The following NRDE2 variants were observed in gnomAD, a reference collection of about 807,000 sequenced individuals.
The protein encoded by NRDE2 is NRDE-2, necessary for RNA interference, domain containing, also known as nuclear exosome regulator NRDE2.
A neutral mutation model predicts 124.2 loss-of-function variants in NRDE2; 76 were observed. The ratio of observed to expected loss-of-function variants is 0.61; its 90% CI spans 0.51 to 0.74. NRDE2 has a LOEUF of 0.74. Ranked by LOEUF, NRDE2 falls within the 30% of genes least tolerant of loss-of-function variation. The pLI is 0.00. For missense variants in NRDE2, 1,314 were observed against 1,417.3 expected, an observed-to-expected ratio of 0.93 and a Z score of 1.17; for synonymous variants, 489 against 528.1, an observed-to-expected ratio of 0.93 and a Z score of 1.01.
At chr14:90,310,368 C>T (rs956529719) in intron 4 of NRDE2, among the ~76,000 whole-genome samples, 1 of 152,208 alleles carries the variant, frequency 6.6e-6, no homozygotes, top group Non-Finnish European at 1.5e-5. Context: ...CTTAACCTCT[C>T]TGCGATTCCT....
At chr14:90,312,358 C>T in intron 4 of NRDE2, 36 bp downstream of exon 4, 2 of 1,610,186 alleles carry the variant, frequency 1.2e-6, no homozygotes, top group South Asian at 1.1e-5. Context: ...AAGTCACTTT[C>T]CTACAGTGAA....
intron 10 of NRDE2, 52 bp from the exon 11 acceptor site, chr14:90,289,197 C>T: frequency 1.4e-6 from 2 of 1,439,120 alleles, no homozygotes; most frequent in Non-Finnish European, 9.5e-7. Context: ...TTAAGGCGTC[C>T]TCTGCTGCCA....
chr14:90,283,142 C>T (rs895798607), intron 12 of NRDE2, among the ~76,000 whole-genome samples: 2 of 152,136 alleles, frequency 1.3e-5, no homozygotes, highest in African/African-American at 4.8e-5. Flanking sequence ...GCATGCTGGC[C>T]CTAATGTGAT....
chr14:90,313,585 A>T (rs1415023109), intron 3 of NRDE2, among the ~76,000 whole-genome samples: 1 of 152,146 alleles, frequency 6.6e-6, no homozygotes, highest in Non-Finnish European at 1.5e-5. Flanking sequence ...CTCAGATCCA[A>T]AAGGAACCAC....
At position 90,268,939 on chromosome 14, in the gene NRDE2, T is replaced by C. The variant is rs1468459661; in HGVS notation, c.*9397A>G. The C allele has an allele frequency of 1.2e-5, 2 of 160,670 alleles. No individual in the cohort carries two copies. Among genetic ancestry groups the C allele is most frequent in the Non-Finnish European group, 2.7e-5 (2 of 73,550 alleles). The allele number at this position is 160,670 out of a possible 1,614,324, so 10.0% of individuals were successfully genotyped here. A position where few individuals can be genotyped will look rare whatever the true frequency, so the allele number is the denominator to read the frequency against. ...GAAGCCCAAGATCAAGGCACTGGCA[T>C]TGATGTCTAGTGAGGGCTGCTCTCT... On this transcript the variant is annotated 3_prime_UTR_variant, in exon 14 of 14. Transcript: ENST00000354366.
chr14:90,326,098 C>T (rs984306472), intron 1 of NRDE2, among the ~76,000 whole-genome samples: 38 of 152,282 alleles, frequency 2.5e-4, no homozygotes, highest in African/African-American at 8.4e-4. Context: ...GACAGCCACA[C>T]GATGGAGTTC....
At position 90,298,580 on chromosome 14, in the gene NRDE2, G is replaced by C. The variant is rs755214341; in HGVS notation, c.1546-200C>G. Among the ~76,000 whole-genome samples, 4 of 152,146 alleles carry C rather than the reference G, an allele frequency of 2.6e-5. No individual in the cohort carries two copies. In the South Asian group the frequency reaches 6.2e-4, roughly 24 times the overall value. On this transcript the variant is annotated intron_variant, in intron 7 of 13. Coordinates refer to ENST00000354366, the MANE Select transcript of NRDE2 (RefSeq NM_017970.4). ...AGCGTGGCAGGCAGCTTCCAAGATA[G>C]CCCCCATGACCCTACCTCTGCCTTG...
At chr14:90,311,260 T>C (rs1884827166) in intron 4 of NRDE2, among the ~76,000 whole-genome samples, 1 of 152,244 alleles carries the variant, frequency 6.6e-6, no homozygotes, top group Non-Finnish European at 1.5e-5. Flanking sequence ...CTGTGTGTTA[T>C]TGTTCTTTAT....
chr14:90,285,760 G>A (rs1295344841), intron 12 of NRDE2, among the ~76,000 whole-genome samples: 1 of 152,146 alleles, frequency 6.6e-6, no homozygotes, highest in East Asian at 1.9e-4. Flanking sequence ...AACCTCTGAT[G>A]TAGATGGGAC....
chr14:90,328,476 C>T (rs1885539471), intron 1 of NRDE2, among the ~76,000 whole-genome samples: 1 of 152,022 alleles, frequency 6.6e-6, no homozygotes, highest in Admixed American at 6.6e-5. Context: ...TAATAATGAA[C>T]CTAAACAATA....
In NRDE2 at chr14:90,278,413, T is replaced by C; in HGVS notation, c.3418A>G (p.Ile1140Val). ...TCCTTCTCAGTCATCAGGTCCAGGA[T>C]CTCCTGCATCTCATCGGGGAAATAC... is the stretch of plus-strand genomic sequence containing the variant. ...VEYFPDEMQE[I>V]LDLMTEKELR... Residue 1140 changes from isoleucine (I) to valine (V), a missense_variant, in exon 14 of 14, where the codon ATC becomes GTC. Transcript: ENST00000354366. The C allele has an allele frequency of 1.9e-6, 3 of 1,614,016 alleles. No individual in the cohort carries two copies. The highest frequency in any genetic ancestry group is 2.5e-6 in the Non-Finnish European group (3 of 1,180,000).
intron 13 of NRDE2, chr14:90,278,762 C>T (rs1891871209): frequency 5.6e-6 from 3 of 534,584 alleles, no homozygotes; most frequent in Admixed American, 3.2e-5. Context: ...GCTCTCACAG[C>T]CAGGCTGGGA....
At chr14:90,321,545 C>T (rs1885240651) in intron 1 of NRDE2, among the ~76,000 whole-genome samples, 1 of 131,318 alleles carries the variant, frequency 7.6e-6, no homozygotes. Flanking sequence ...GACCCCAGCT[C>T]TATTAAAAAA....
intron 4 of NRDE2, among the ~76,000 whole-genome samples, chr14:90,311,402 G>A (rs1884832435): frequency 6.6e-6 from 1 of 152,084 alleles, no homozygotes; most frequent in Admixed American, 6.5e-5. Context: ...GGAGGGGCTT[G>A]GTGGGAGGTA....
Position 90,276,906 on chromosome 14 carries a change from T to C in NRDE2, c.*1430A>G, listed in dbSNP as rs8020566. 0.94 allele frequency: 143,648 copies of C among 152,360 alleles called. 68,220 individuals carry two copies. The highest frequency in any genetic ancestry group is 1 in the East Asian group (5,160 of 5,162). The allele number at this position is 152,360 out of a possible 1,614,324, so 9.4% of individuals were successfully genotyped here. A position where few individuals can be genotyped will look rare whatever the true frequency, so the allele number is the denominator to read the frequency against. ...GTCGGTGACATGTCTGGCTGATGTC[T>C]GCCCCACGCAGAGGACAAGGGTGGA... On this transcript the variant is annotated 3_prime_UTR_variant, in exon 14 of 14. Transcript: ENST00000354366.
At position 90,278,962 on chromosome 14, in the gene NRDE2, A is replaced by G. The variant is rs1261583425; in HGVS notation, c.3369+100T>C. The G allele has an allele frequency of 6.1e-6, 5 of 825,876 alleles. No homozygotes were observed. The African/African-American group carries it at 6.7e-5, about 11-fold the overall frequency. 51.2% of individuals were successfully genotyped at this position (825,876 alleles called of 1,614,324 possible). A position where few individuals can be genotyped will look rare whatever the true frequency, so the allele number is the denominator to read the frequency against. On this transcript the variant is annotated intron_variant, in intron 13 of 13. Coordinates refer to ENST00000354366, the MANE Select transcript of NRDE2 (RefSeq NM_017970.4). ...AGGGTATGGCGTCCATGAGCCGAGC[A>G]TCCCCGGTGCCGCGGGGCAGGCCGG...
rs567915458 is a variant in NRDE2 at position 90,286,456 on chromosome 14, C to T, written c.3195G>A (p.Glu1065=). 6.2e-7 allele frequency: 1 copy of T among 1,614,132 alleles called. No homozygotes were observed. ...CTTGGATCCGATGCATTAAGCCGGT[C>T]TCAGGAATTGTGGCGTGGATCTCTC... ...DGREIHATIP[E]TGLMHRIQAL... The change falls in exon 12 of 14, where the codon GAG becomes GAA. Residue 1065 remains glutamate (E), a synonymous_variant. Transcript: ENST00000354366.
At chr14:90,331,718 G>T in intron 1 of NRDE2, 123 bp downstream of exon 1, 1 of 1,124,332 alleles carries the variant, frequency 8.9e-7, no homozygotes, top group East Asian at 2.4e-5. Context: ...AGGCTTTGCA[G>T]CGCCGCGGAG....
chr14:90,268,329 T>A lies in NRDE2; in HGVS notation c.*10007A>T. The A allele has an allele frequency of 6.2e-7, 1 of 1,613,570 alleles. No homozygotes were observed. ...AAGTACCTAGGTGATGGGCCCAAAC[T>A]CGTACGGGAATTGTTCCGAGTTGCT... On this transcript the variant is annotated 3_prime_UTR_variant, in exon 14 of 14. Transcript: ENST00000354366.
Sources: allele counts gnomAD v4.1 joint callset (sites outside exome capture counted in the v4.1 genomes callset), GRCh38; gene constraint gnomAD v4.1.1; transcripts MANE v1.5; gene names NCBI Gene and HGNC (gene_info 2026-07-23, HGNC 2026-07-21).